Variants in SLC6A2 observed in about 807,000 individuals in gnomAD.
The protein encoded by SLC6A2 is sodium-dependent noradrenaline transporter.
SLC6A2 carries 26 observed loss-of-function variants against 71.7 expected under a neutral mutation model. That is an observed-to-expected ratio of 0.36 (90% CI 0.27 to 0.50). SLC6A2 has a LOEUF of 0.50. Ranked by LOEUF, SLC6A2 falls within the 20% of genes least tolerant of loss-of-function variation. The pLI is 0.96. For missense variants in SLC6A2, 581 were observed against 803.9 expected (o/e 0.72, Z 3.35); for synonymous variants, 363 against 337.9 (o/e 1.07, Z -0.82).
intron 12 of SLC6A2, 35 bp from the exon 13 acceptor site, chr16:55,700,104 G>T: frequency 1.3e-6 from 2 of 1,592,434 alleles, no homozygotes; most frequent in Non-Finnish European, 1.7e-6. Flanking sequence ...CTTCTGTCCT[G>T]TCTTCCTTTC....
Position 55,697,914 on chromosome 16 carries a change from T to C in SLC6A2, c.1278T>C (p.Ala426=), listed in dbSNP as rs1205154174. 2 of 1,614,064 alleles carry C rather than the reference T, an allele frequency of 1.2e-6. No individual in the cohort carries two copies. Among genetic ancestry groups the C allele is most frequent in the Non-Finnish European group, 1.7e-6 (2 of 1,179,982 alleles). The change falls in exon 10 of 15, where the codon GCT becomes GCC. Residue 426 remains alanine (A), a synonymous_variant. Transcript: ENST00000568943. The stretch of plus-strand genomic sequence containing the variant: ...CCCTCCAGATGGGAGGCATGGAGGC[T>C]GTCATCACGGGCCTGGCAGATGACT... The part of the protein sequence containing the change: ...GLDSSMGGME[A]VITGLADDFQ...
At chr16:55,667,457 A>G (rs967070625) in intron 2 of SLC6A2, among the ~76,000 whole-genome samples, 2 of 152,246 alleles carry the variant, frequency 1.3e-5, no homozygotes, top group African/African-American at 2.4e-5. Flanking sequence ...AGCTTGGCAT[A>G]TAACAGGTGC....
intron 2 of SLC6A2, among the ~76,000 whole-genome samples, chr16:55,660,709 G>A (rs1184225831): frequency 6.6e-6 from 1 of 152,084 alleles, no homozygotes; most frequent in Non-Finnish European, 1.5e-5. Flanking sequence ...AACATGACCT[G>A]AGATAACACC....
chr16:55,664,433 T>A (rs1047698000), intron 2 of SLC6A2, among the ~76,000 whole-genome samples: 1 of 152,156 alleles, frequency 6.6e-6, no homozygotes, highest in East Asian at 1.9e-4. Context: ...GACTTGGGGA[T>A]CCCAGAGCAC....
chr16:55,669,029 G>C (rs1964830099), intron 2 of SLC6A2, among the ~76,000 whole-genome samples: 1 of 152,176 alleles, frequency 6.6e-6, no homozygotes, highest in African/African-American at 2.4e-5. Flanking sequence ...AGAATCCAGT[G>C]AGATCATGCT....
chr16:55,656,578 G>A lies in SLC6A2; in HGVS notation c.-51-66G>A. 1.5e-6 allele frequency: 2 copies of A among 1,293,342 alleles called. No individual in the cohort carries two copies. Among genetic ancestry groups the A allele is most frequent in the Non-Finnish European group, 2.2e-6 (2 of 899,872 alleles). 80.1% of individuals were successfully genotyped at this position (1,293,342 alleles called of 1,614,324 possible). On this transcript the variant is annotated intron_variant, in intron 1 of 14. Transcript: ENST00000568943. This position sits in a 1 kb window ranked among gnomAD's most constrained non-coding sequence, Gnocchi z 4.5. The stretch of plus-strand genomic sequence containing the variant: ...CCCAGTGTCTAAGGCGCTCCCGGGT[G>A]GTCTTGGGAGTTGCAAGTAGGGAGG...
chr16:55,669,509 C>G, intron 2 of SLC6A2, 56 bp from the exon 3 acceptor site: 1 of 1,608,648 alleles, frequency 6.2e-7, no homozygotes, highest in Non-Finnish European at 8.5e-7. Context: ...GACACGGATC[C>G]AAGACTGGGA....
At chr16:55,692,852 T>C (rs1356120154) in intron 6 of SLC6A2, among the ~76,000 whole-genome samples, 1 of 152,212 alleles carries the variant, frequency 6.6e-6, no homozygotes, top group Non-Finnish European at 1.5e-5. Context: ...CACTGCAATG[T>C]TATAGACCGG....
In SLC6A2 at chr16:55,669,576, A is replaced by G; in HGVS notation, c.286A>G (p.Ile96Val). 6.2e-7 allele frequency: 1 copy of G among 1,613,940 alleles called. No individual in the cohort carries two copies. The highest frequency in any genetic ancestry group is 1.3e-5 in the African/African-American group (1 of 74,980). Reference sequence around the variant, plus strand: ...CCTGTGTCCTCCAGGTGCCTTCTTGATCCCGTACACACTGTTCCTTATCAT... The same window carrying G: ...CCTGTGTCCTCCAGGTGCCTTCTTGGTCCCGTACACACTGTTCCTTATCAT... ...CYKNGGGAFLIPYTLFLIIAG... is the reference protein window; with the variant it reads ...CYKNGGGAFLVPYTLFLIIAG... The change falls in exon 3 of 15, where the codon ATC (isoleucine) becomes GTC (valine). Residue 96 changes from isoleucine (I) to valine (V), a missense_variant. By Grantham distance (29) the Ile-to-Val change is conservative. Transcript: ENST00000568943.
At chr16:55,698,661 C>A (rs1283498807) in intron 11 of SLC6A2, 93 bp downstream of exon 11, 3 of 868,696 alleles carry the variant, frequency 3.5e-6, no homozygotes, top group East Asian at 2.5e-5. Flanking sequence ...CCAGGACAGC[C>A]ACCTAAAATT....
chr16:55,704,500 A>G lies in SLC6A2; in HGVS notation c.*2154A>G, dbSNP rs1388888588. Reference sequence around the variant, plus strand: ...TAGCAAAAGAACAATGTGTTGGAGGATGGGAAGGGGCGAGAGAATGCCATT... The same window carrying G: ...TAGCAAAAGAACAATGTGTTGGAGGGTGGGAAGGGGCGAGAGAATGCCATT... On this transcript the variant is annotated 3_prime_UTR_variant, in exon 15 of 15. Transcript: ENST00000568943. The G allele has an allele frequency of 2.6e-5, 4 of 152,222 alleles. No homozygotes were observed. The highest frequency in any genetic ancestry group is 9.6e-5 in the African/African-American group (4 of 41,458). The allele number at this position is 152,222 out of a possible 1,614,324, so 9.4% of individuals were successfully genotyped here.
rs1567463207 is a variant in SLC6A2 at position 55,704,506 on chromosome 16, AGGGGCGAGAGAATGCCATTT to A, written c.*2161_*2180del. 2.6e-5 allele frequency: 4 copies of A among 152,344 alleles called. No homozygotes were observed. Among genetic ancestry groups the A allele is most frequent in the Admixed American group, 6.5e-5 (1 of 15,296 alleles). 9.4% of individuals were successfully genotyped at this position (152,344 alleles called of 1,614,324 possible). ...AAGAACAATGTGTTGGAGGATGGGAAGGGGCGAGAGAATGCCATTTATTTTCCTCTAGCTGGTTTCCAGAG... is the reference window on the plus strand; with the variant it reads ...AAGAACAATGTGTTGGAGGATGGGAAATTTTCCTCTAGCTGGTTTCCAGAG... On this transcript the variant is annotated 3_prime_UTR_variant, in exon 15 of 15. Coordinates refer to ENST00000568943, the MANE Select transcript of SLC6A2 (RefSeq NM_001172501.3).
intron 12 of SLC6A2, among the ~76,000 whole-genome samples, chr16:55,699,860 C>A (rs534714090): frequency 1.3e-5 from 2 of 152,206 alleles, no homozygotes; most frequent in South Asian, 4.2e-4. Flanking sequence ...GGGGCCAGGT[C>A]CCCGGGGGCT....
intron 3 of SLC6A2, among the ~76,000 whole-genome samples, chr16:55,670,837 A>C (rs1000653897): frequency 2.0e-5 from 3 of 152,204 alleles, no homozygotes; most frequent in African/African-American, 7.2e-5. Context: ...TTGGCCAGGC[A>C]TACATCTTGC....
Position 55,693,939 on chromosome 16 carries a change from C to T in SLC6A2, c.919-71C>T, listed in dbSNP as rs191235165. 41 of 1,026,566 alleles carry T rather than the reference C, an allele frequency of 4.0e-5. No individual in the cohort carries two copies. In the East Asian group the frequency reaches 9.7e-4, roughly 24 times the overall value. The allele number at this position is 1,026,566 out of a possible 1,614,324, so 63.6% of individuals were successfully genotyped here. A position where few individuals can be genotyped will look rare whatever the true frequency, so the allele number is the denominator to read the frequency against. Reference sequence around the variant, plus strand: ...CAGAGCATCCCCAGGGTTTCTCAGCCCTTCCGGACCAGTGAGGTGTTCCAG... The same window carrying T: ...CAGAGCATCCCCAGGGTTTCTCAGCTCTTCCGGACCAGTGAGGTGTTCCAG... On this transcript the variant is annotated intron_variant, in intron 6 of 14. Transcript: ENST00000568943.
intron 2 of SLC6A2, among the ~76,000 whole-genome samples, chr16:55,662,007 C>G (rs1964623331): frequency 6.6e-6 from 1 of 152,216 alleles, no homozygotes; most frequent in South Asian, 2.1e-4. Context: ...GCTTGCCAAG[C>G]CAGACACTGA....
rs113794839 is a variant in SLC6A2 at position 55,665,978 on chromosome 16, G to A, written c.275-3587G>A. ...TTTTCTCATGTGGTTGTGTGAGTGC[G>A]TTGACATGCAAAAGTGTGTGTCCAT... is the stretch of plus-strand genomic sequence containing the variant. On this transcript the variant is annotated intron_variant, in intron 2 of 14. Transcript: ENST00000568943. Among the ~76,000 whole-genome samples, 576 of 152,348 alleles carry A rather than the reference G, an allele frequency of 3.8e-3. 6 individuals are homozygous for A. In the South Asian group the frequency reaches 0.047, roughly 12 times the overall value.
At chr16:55,675,662 T>C (rs1207274207) in intron 4 of SLC6A2, among the ~76,000 whole-genome samples, 7 of 152,218 alleles carry the variant, frequency 4.6e-5, no homozygotes, top group Non-Finnish European at 1.0e-4. Context: ...TACCGAGCAG[T>C]TGAAATGTGG....
intron 5 of SLC6A2, among the ~76,000 whole-genome samples, chr16:55,687,971 G>T (rs749823141): frequency 6.6e-6 from 1 of 152,074 alleles, no homozygotes; most frequent in African/African-American, 2.4e-5. Flanking sequence ...AATGAGAGAG[G>T]AATATGAGTC....
Sources: allele counts gnomAD v4.1 joint callset (sites outside exome capture counted in the v4.1 genomes callset), GRCh38; gene constraint gnomAD v4.1.1; non-coding constraint Gnocchi (gnomAD v3.1); transcripts MANE v1.5; gene names NCBI Gene and HGNC (gene_info 2026-07-23, HGNC 2026-07-21).